The following SYT10 variants were observed in gnomAD, a reference collection of about 807,000 sequenced individuals.
SYT10 encodes synaptotagmin-10.
In SYT10, 31 loss-of-function variants were observed where a neutral mutation model predicts 51.1. The ratio of observed to expected loss-of-function variants is 0.61; its 90% confidence interval spans 0.46 to 0.82. The LOEUF is 0.82. SYT10 is among the 40% of genes least tolerant of loss of function. The pLI is 0.00. For synonymous variants in SYT10, 233 were observed against 225.9 expected (o/e 1.03, Z -0.28); for missense variants, 603 against 634.0 (o/e 0.95, Z 0.53).
chr12:33,378,814 CTGTGTGTGTGTGTG>C lies in SYT10; in HGVS notation c.1500+1004_1500+1017del, dbSNP rs56373564. The stretch of plus-strand genomic sequence containing the variant: ...GGGAAAACACCAAGTGACTGGGTAT[CTGTGTGTGTGTGTG>C]TGTGTGTGTGTGTGTGTGTGTTTGT... On this transcript the variant is annotated intron_variant, in intron 6 of 6. Coordinates refer to ENST00000228567, the MANE Select transcript of SYT10 (RefSeq NM_198992.4). Among the ~76,000 whole-genome samples the C allele has an allele frequency of 1.5e-4, 22 of 145,284 alleles. 1 individual carries two copies. The highest frequency in any genetic ancestry group is 1.1e-3 in the South Asian group (5 of 4,564).
At chr12:33,424,782 A>G (rs1403488867) in intron 2 of SYT10, among the ~76,000 whole-genome samples, 1 of 151,932 alleles carries the variant, frequency 6.6e-6, no homozygotes, top group Non-Finnish European at 1.5e-5. Context: ...ATTAACATGG[A>G]TATTTATTGA....
chr12:33,383,398 C>A (rs1866132523), intron 4 of SYT10, among the ~76,000 whole-genome samples: 1 of 151,820 alleles, frequency 6.6e-6, no homozygotes, highest in South Asian at 2.1e-4. Flanking sequence ...AAAATGATGG[C>A]AATATTAATT....
intron 3 of SYT10, chr12:33,405,071 T>G (rs898835451): frequency 2.0e-5 from 3 of 152,168 alleles, no homozygotes; most frequent in African/African-American, 7.2e-5. Context: ...TTAGATTTCA[T>G]TGGCAGATTA....
At chr12:33,423,968 C>G (rs573280464) in intron 2 of SYT10, 9 of 455,768 alleles carry the variant, frequency 2.0e-5, no homozygotes, top group Non-Finnish European at 4.0e-5. Flanking sequence ...GACAAAATTG[C>G]AAGTGCTCAA....
chr12:33,409,596 C>G (rs1866388761), intron 2 of SYT10, among the ~76,000 whole-genome samples: 1 of 151,768 alleles, frequency 6.6e-6, no homozygotes. Context: ...TCACTGCGAG[C>G]TCCGCCTCCC....
Position 33,375,657 on chromosome 12 carries a change from G to A in SYT10, c.*1173C>T, listed in dbSNP as rs376432948. ...ATGAAGGCAAATGCCTTTCATGCAA[G>A]GACTGGAGGCCTGGGCCTTTAGAAT... On this transcript the variant is annotated 3_prime_UTR_variant, in exon 7 of 7. Transcript: ENST00000228567. The A allele has an allele frequency of 1.1e-4, 16 of 152,204 alleles. No homozygotes were observed. The East Asian group carries it at 2.9e-3, about 27-fold the overall frequency. 9.4% of individuals were successfully genotyped at this position (152,204 alleles called of 1,614,324 possible).
At chr12:33,429,108 T>G (rs531490589) in intron 1 of SYT10, among the ~76,000 whole-genome samples, 1 of 152,252 alleles carries the variant, frequency 6.6e-6, no homozygotes, top group South Asian at 2.1e-4. Context: ...TGGACAAGAA[T>G]GGATAGGCAA....
Position 33,406,875 on chromosome 12 carries a change from C to A in SYT10, c.991G>T (p.Gly331Trp). 6.2e-7 allele frequency: 1 copy of A among 1,614,020 alleles called. No homozygotes were observed. Among genetic ancestry groups the A allele is most frequent in the Non-Finnish European group, 8.5e-7 (1 of 1,180,012 alleles). ...FDRFSRHDMI[G>W]EVILDNLFEV... The stretch of plus-strand genomic sequence containing the variant: ...AACAAATTATCAAGAATCACTTCCC[C>A]AATCATGTCATGTCTAGAAAATCTG... Residue 331 changes from glycine to tryptophan, a missense_variant, in exon 3 of 7, where the codon GGG becomes TGG. Gly to Trp is a radical substitution (Grantham distance 184, BLOSUM62 -2). Coordinates refer to ENST00000228567, the MANE Select transcript of SYT10 (RefSeq NM_198992.4).
rs147756240 is a variant in SYT10 at position 33,426,334 on chromosome 12, T to C, written c.313A>G (p.Thr105Ala). The C allele has an allele frequency of 3.1e-6, 5 of 1,614,006 alleles. No individual in the cohort carries two copies. Among genetic ancestry groups the C allele is most frequent in the South Asian group, 1.1e-5 (1 of 91,080 alleles). ...TTCTCTTCAGTCTCAAAAACTTCAGTAGGAGCACTTGAAATGCTCTGTGGA... is the reference window on the plus strand; with the variant it reads ...TTCTCTTCAGTCTCAAAAACTTCAGCAGGAGCACTTGAAATGCTCTGTGGA... ...TLPQSISSAP[T>A]EVFETEEKKE... Residue 105 changes from threonine to alanine, a missense_variant, in exon 2 of 7, where the codon ACT becomes GCT. Transcript: ENST00000228567.
At chr12:33,406,688 C>A in intron 3 of SYT10, 101 bp downstream of exon 3, 1 of 1,017,576 alleles carries the variant, frequency 9.8e-7, no homozygotes, top group Non-Finnish European at 1.4e-6. Flanking sequence ...GACATAAATT[C>A]CATAACTCTG....
At chr12:33,396,841 T>C (rs1300702776) in intron 3 of SYT10, among the ~76,000 whole-genome samples, 6 of 152,258 alleles carry the variant, frequency 3.9e-5, no homozygotes, top group South Asian at 2.1e-4. Context: ...GGTTTCACCA[T>C]GTTGGCCAGG....
At chr12:33,416,239 C>T (rs1866452653) in intron 2 of SYT10, among the ~76,000 whole-genome samples, 1 of 152,058 alleles carries the variant, frequency 6.6e-6, no homozygotes, top group Non-Finnish European at 1.5e-5. Flanking sequence ...TGCCACCACG[C>T]CCCGCTGATT....
chr12:33,415,022 G>T (rs1406062416), intron 2 of SYT10, among the ~76,000 whole-genome samples: 1 of 152,106 alleles, frequency 6.6e-6, no homozygotes, highest in Non-Finnish European at 1.5e-5. Flanking sequence ...AAACTCACTG[G>T]AATACGAGCA....
intron 3 of SYT10, 146 bp from the exon 4 acceptor site, chr12:33,385,437 G>A: frequency 8.4e-7 from 1 of 1,187,888 alleles, no homozygotes; most frequent in Admixed American, 2.9e-5. Flanking sequence ...TATTCTGAAT[G>A]CAGTAAGCAA....
At chr12:33,407,460 G>A in intron 2 of SYT10, 104 bp from the exon 3 acceptor site, 1 of 1,210,602 alleles carries the variant, frequency 8.3e-7, no homozygotes, top group Non-Finnish European at 1.1e-6. Context: ...ATAGTGAAAA[G>A]ATATCTATAT....
At chr12:33,421,971 G>A (rs1866509251) in intron 2 of SYT10, among the ~76,000 whole-genome samples, 1 of 151,846 alleles carries the variant, frequency 6.6e-6, no homozygotes, top group Admixed American at 6.6e-5. Flanking sequence ...GAGCAACCAT[G>A]GAAGATCAGT....
At chr12:33,419,018 G>A (rs965518835) in intron 2 of SYT10, among the ~76,000 whole-genome samples, 4 of 151,938 alleles carry the variant, frequency 2.6e-5, no homozygotes, top group Admixed American at 1.3e-4. Flanking sequence ...CATGTAGCAC[G>A]GGTTCTAGCT....
At chr12:33,439,079 C>T (rs1866661339) in intron 1 of SYT10, among the ~76,000 whole-genome samples, 1 of 152,172 alleles carries the variant, frequency 6.6e-6, no homozygotes, top group Non-Finnish European at 1.5e-5. Context: ...AGATGGGAGG[C>T]GTGGGAGAAC....
At chr12:33,382,847 A>C (rs1207315888) in intron 4 of SYT10, among the ~76,000 whole-genome samples, 1 of 152,234 alleles carries the variant, frequency 6.6e-6, no homozygotes, top group East Asian at 1.9e-4. Context: ...AGGACCTAAA[A>C]TTAAAAATAT....
Sources: gnomAD v4.1 joint callset for allele counts (sites outside exome capture counted in the v4.1 genomes callset) on GRCh38, gnomAD v4.1.1 for gene constraint, MANE v1.5 for transcripts, NCBI Gene and HGNC (gene_info 2026-07-23, HGNC 2026-07-21) for gene names.